MAN1A1: variants seen among roughly 807,000 people sequenced by gnomAD.
MAN1A1 encodes mannosidase alpha class 1A member 1.
A neutral mutation model predicts 70.8 loss-of-function variants in MAN1A1; 29 were observed. The observed-to-expected ratio is 0.41, with a 90% CI of 0.31 to 0.56. The LOEUF is 0.56. Ranked by LOEUF, MAN1A1 falls within the 20% of genes least tolerant of loss-of-function variation. The probability of loss-of-function intolerance (pLI) is 0.29; values close to 1 mark genes in which losing one functional copy is unlikely to be tolerated. For synonymous variants in MAN1A1, 349 were observed against 330.1 expected, an observed-to-expected ratio of 1.06 and a Z score of -0.62; for missense variants, 747 against 841.3, an observed-to-expected ratio of 0.89 and a Z score of 1.39.
chr6:119,253,608 T>G (rs1402495895), intron 5 of MAN1A1, among the ~76,000 whole-genome samples: 1 of 152,196 alleles, frequency 6.6e-6, no homozygotes, highest in East Asian at 1.9e-4. Context: ...AGCACAGATT[T>G]GTACACTACA....
At chr6:119,304,850 C>T (rs1475680528) in intron 3 of MAN1A1, among the ~76,000 whole-genome samples, 1 of 152,168 alleles carries the variant, frequency 6.6e-6, no homozygotes, top group African/African-American at 2.4e-5. Context: ...AAAGAACTTA[C>T]ATTTTCCTAT....
chr6:119,255,682 T>G (rs115471520), intron 5 of MAN1A1, among the ~76,000 whole-genome samples: 137 of 152,342 alleles, frequency 9.0e-4, no homozygotes, highest in African/African-American at 3.2e-3. Context: ...TTAAATGCTC[T>G]GATGTGGGAT....
intron 2 of MAN1A1, among the ~76,000 whole-genome samples, chr6:119,322,863 A>G (rs1189247278): frequency 6.6e-6 from 1 of 152,190 alleles, no homozygotes; most frequent in Admixed American, 6.5e-5. Flanking sequence ...CTAGTTTTCA[A>G]CCGCTACGTA....
chr6:119,219,403 C>G (rs1309082398), intron 6 of MAN1A1, among the ~76,000 whole-genome samples: 1 of 152,148 alleles, frequency 6.6e-6, no homozygotes, highest in Non-Finnish European at 1.5e-5. Flanking sequence ...CCCTTCAAGT[C>G]TTTGACAGCA....
intron 2 of MAN1A1, among the ~76,000 whole-genome samples, chr6:119,327,925 A>C (rs1773198220): frequency 6.6e-6 from 1 of 152,130 alleles, no homozygotes; most frequent in Non-Finnish European, 1.5e-5. Context: ...GGAAATGGGG[A>C]CCTTAGTTCT....
At chr6:119,232,696 TGTGTG>T (rs1774720993) in intron 6 of MAN1A1, among the ~76,000 whole-genome samples, 1 of 146,462 alleles carries the variant, frequency 6.8e-6, no homozygotes, top group Non-Finnish European at 1.5e-5. Context: ...TGTGTGTGTG[TGTGTG>T]TGTGTGTGTG....
rs3798641 is a variant in MAN1A1 at position 119,318,813 on chromosome 6, C to T, written c.604-11821G>A. On this transcript the variant is annotated intron_variant, in intron 2 of 12. Transcript: ENST00000368468. ...AAAAGTTCTTTCCTTTGAAAGGTAT[C>T]TGTTCACCTCTACTTGGGCATCCTA... 5.9e-3 allele frequency among the ~76,000 whole-genome samples: 896 copies of T among 152,294 alleles called. 30 individuals carry two copies. In the East Asian group the frequency reaches 0.09, roughly 15 times the overall value.
chr6:119,271,959 G>T (rs1349574697), intron 5 of MAN1A1, among the ~76,000 whole-genome samples: 2 of 152,164 alleles, frequency 1.3e-5, no homozygotes, highest in African/African-American at 4.8e-5. Flanking sequence ...ACTGGAAGGA[G>T]AAACACAGTC....
At chr6:119,220,406 A>C (rs1485519600) in intron 6 of MAN1A1, among the ~76,000 whole-genome samples, 1 of 152,220 alleles carries the variant, frequency 6.6e-6, no homozygotes, top group African/African-American at 2.4e-5. Flanking sequence ...ATCCTTTTAT[A>C]TGTAAAATGG....
intron 6 of MAN1A1, among the ~76,000 whole-genome samples, chr6:119,213,027 G>A (rs1270454437): frequency 6.6e-6 from 1 of 152,160 alleles, no homozygotes; most frequent in Middle Eastern, 3.2e-3. Flanking sequence ...GAAAACAGAT[G>A]ATGTCTAGGT....
chr6:119,236,079 A>G (rs2114294157), intron 6 of MAN1A1, among the ~76,000 whole-genome samples: 1 of 151,764 alleles, frequency 6.6e-6, no homozygotes. Flanking sequence ...GTGGAGCAGT[A>G]AGCTGAGGTT....
At chr6:119,315,895 A>G (rs1486482579) in intron 2 of MAN1A1, among the ~76,000 whole-genome samples, 1 of 152,178 alleles carries the variant, frequency 6.6e-6, no homozygotes, top group African/African-American at 2.4e-5. Context: ...TGAGTTCAGA[A>G]GTTGTCACTT....
At chr6:119,337,872 A>AT (rs1773500461) in intron 2 of MAN1A1, among the ~76,000 whole-genome samples, 1 of 152,220 alleles carries the variant, frequency 6.6e-6, no homozygotes, top group African/African-American at 2.4e-5. Context: ...TATACAATGC[A>AT]TTAGATATAT....
At chr6:119,308,085 G>C (rs998672908) in intron 2 of MAN1A1, among the ~76,000 whole-genome samples, 4 of 152,136 alleles carry the variant, frequency 2.6e-5, no homozygotes, top group African/African-American at 9.7e-5. Flanking sequence ...TATAACTTTA[G>C]TATTGTAACC....
chr6:119,246,685 AAG>A (rs1353929180), intron 6 of MAN1A1, among the ~76,000 whole-genome samples: 2 of 152,164 alleles, frequency 1.3e-5, no homozygotes, highest in African/African-American at 4.8e-5. Flanking sequence ...TGTTTTAGGT[AAG>A]AGAGTAGTAT....
chr6:119,347,390 TA>T (rs777473039), intron 2 of MAN1A1, among the ~76,000 whole-genome samples: 1 of 152,240 alleles, frequency 6.6e-6, no homozygotes, highest in Non-Finnish European at 1.5e-5. Context: ...CAGATCGTAT[TA>T]TTTTTTAAAT....
At chr6:119,276,772 G>C (rs1387963882) in intron 5 of MAN1A1, among the ~76,000 whole-genome samples, 1 of 152,222 alleles carries the variant, frequency 6.6e-6, no homozygotes, top group African/African-American at 2.4e-5. Flanking sequence ...TAGAGCAACT[G>C]TGGGTATTGT....
At chr6:119,267,307 C>T (rs578066432) in intron 5 of MAN1A1, among the ~76,000 whole-genome samples, 1 of 151,290 alleles carries the variant, frequency 6.6e-6, no homozygotes, top group East Asian at 1.9e-4. Context: ...CACTTTCAGA[C>T]ATGTATTATA....
At chr6:119,338,318 T>C (rs1193006039) in intron 2 of MAN1A1, among the ~76,000 whole-genome samples, 1 of 151,986 alleles carries the variant, frequency 6.6e-6, no homozygotes, top group Non-Finnish European at 1.5e-5. Context: ...TAAAAACATT[T>C]GAAGGATTTA....
Sources: gnomAD v4.1 joint callset for allele counts (sites outside exome capture counted in the v4.1 genomes callset) on GRCh38, gnomAD v4.1.1 for gene constraint, MANE v1.5 for transcripts, NCBI Gene and HGNC (gene_info 2026-07-23, HGNC 2026-07-21) for gene names.